The following CEP135 variants were observed in gnomAD, a reference collection of about 807,000 sequenced individuals.
CEP135 encodes centrosomal protein 135, also known as centrosomal protein of 135 kDa.
A neutral mutation model predicts 157.3 loss-of-function variants in CEP135; 142 were observed. The observed-to-expected ratio is 0.90, with a 90% CI of 0.79 to 1.04. The LOEUF is 1.04. Ranked by LOEUF, CEP135 falls within the 50% of genes least tolerant of loss-of-function variation. CEP135 has a pLI of 0.00. For synonymous variants in CEP135, 396 were observed against 439.8 expected, an observed-to-expected ratio of 0.90 and a Z score of 1.25; for missense variants, 1,317 against 1,309.2, an observed-to-expected ratio of 1.01 and a Z score of -0.09.
At chr4:55,979,471 G>T (rs995914774) in intron 11 of CEP135, among the ~76,000 whole-genome samples, 1 of 152,066 alleles carries the variant, frequency 6.6e-6, no homozygotes, top group South Asian at 2.1e-4. Context: ...GCATTTATTT[G>T]ACTGTATAAA....
Position 55,992,089 on chromosome 4 carries a change from A to C in CEP135, c.2009+4A>C. 6 of 1,587,150 alleles carry C rather than the reference A, an allele frequency of 3.8e-6. No individual in the cohort carries two copies. The highest frequency in any genetic ancestry group is 5.1e-6 in the Non-Finnish European group (6 of 1,173,116). ...AAACAGAGGTGAACTCACTTAGGTA[A>C]GTTTATTCAAAATTTTCTAATTTCA... On this transcript the variant is annotated splice_donor_region_variant and intron_variant, in intron 15 of 25. Transcript: ENST00000257287.
intron 9 of CEP135, among the ~76,000 whole-genome samples, 189 bp from the exon 10 acceptor site, chr4:55,971,078 TTGA>T: frequency 6.6e-6 from 1 of 152,354 alleles, no homozygotes; most frequent in South Asian, 2.1e-4. Flanking sequence ...AGAAGCATTG[TTGA>T]TATTTGTGTT....
At chr4:56,004,700 C>T (rs1730291146) in intron 17 of CEP135, among the ~76,000 whole-genome samples, 1 of 152,218 alleles carries the variant, frequency 6.6e-6, no homozygotes, top group African/African-American at 2.4e-5. Context: ...TTGTAGGCTA[C>T]TTTATCTGAT....
intron 6 of CEP135, among the ~76,000 whole-genome samples, chr4:55,961,136 A>C (rs1051758550): frequency 7.9e-5 from 12 of 150,984 alleles, no homozygotes; most frequent in Admixed American, 2.0e-4. Flanking sequence ...TCATAATGTC[A>C]ACCCCAAAAA....
intron 25 of CEP135, among the ~76,000 whole-genome samples, chr4:56,029,422 C>T (rs768858424): frequency 6.6e-6 from 1 of 152,264 alleles, no homozygotes; most frequent in Admixed American, 6.5e-5. Flanking sequence ...TATTTAGTGG[C>T]CTCTAGCCAC....
At chr4:55,949,821 A>T (rs1175130169) in intron 1 of CEP135, among the ~76,000 whole-genome samples, 1 of 152,160 alleles carries the variant, frequency 6.6e-6, no homozygotes, top group Admixed American at 6.5e-5. Context: ...ACGGCCTAAC[A>T]TGTTTCTATC....
Position 56,009,785 on chromosome 4 carries a change from G to T in CEP135, c.2387G>T (p.Arg796Leu), listed in dbSNP as rs769259060. 3.1e-6 allele frequency: 5 copies of T among 1,613,540 alleles called. No homozygotes were observed. Among genetic ancestry groups the T allele is most frequent in the African/African-American group, 2.7e-5 (2 of 74,916 alleles). The change falls in exon 19 of 26, where the codon CGG (arginine) becomes CTG (leucine). Residue 796 changes from arginine to leucine, a missense_variant. Coordinates refer to ENST00000257287, the MANE Select transcript of CEP135 (RefSeq NM_025009.5). ...VNRDREINSL[R>L]RQLDAAHKEL... ...CGAGATCGTGAGATAAACAGCCTCC[G>T]GCGCCAGCTTGATGCAGCTCACAAA... is the stretch of plus-strand genomic sequence containing the variant.
At chr4:56,016,299 G>A (rs1182253490) in intron 21 of CEP135, among the ~76,000 whole-genome samples, 1 of 152,032 alleles carries the variant, frequency 6.6e-6, no homozygotes, top group Non-Finnish European at 1.5e-5. Context: ...ATGAATTTTT[G>A]TTTTTTTAAA....
intron 14 of CEP135, among the ~76,000 whole-genome samples, chr4:55,991,481 G>T (rs1463210023): frequency 6.6e-6 from 1 of 151,852 alleles, no homozygotes; most frequent in Non-Finnish European, 1.5e-5. Context: ...ACATTGTGTT[G>T]CCTGTACATT....
intron 13 of CEP135, among the ~76,000 whole-genome samples, chr4:55,982,660 A>G (rs1729453889): frequency 6.6e-6 from 1 of 152,204 alleles, no homozygotes; most frequent in Non-Finnish European, 1.5e-5. Context: ...TATATTCTAC[A>G]TACAGCCCCT....
chr4:56,008,132 A>C (rs1406836234), intron 17 of CEP135, among the ~76,000 whole-genome samples, 195 bp from the exon 18 acceptor site: 1 of 152,230 alleles, frequency 6.6e-6, no homozygotes, highest in Non-Finnish European at 1.5e-5. Context: ...CAAGAAAACT[A>C]TTCAAGGGTT....
intron 25 of CEP135, among the ~76,000 whole-genome samples, chr4:56,029,609 G>A (rs150208237): frequency 6.6e-6 from 1 of 152,278 alleles, no homozygotes; most frequent in East Asian, 1.9e-4. Flanking sequence ...TAGAATGTAT[G>A]TACTTACACA....
At chr4:56,007,349 C>T (rs1230322585) in intron 17 of CEP135, among the ~76,000 whole-genome samples, 1 of 152,214 alleles carries the variant, frequency 6.6e-6, no homozygotes, top group African/African-American at 2.4e-5. Flanking sequence ...ATGCTCAGAC[C>T]CCTGCCCATC....
intron 24 of CEP135, among the ~76,000 whole-genome samples, chr4:56,021,894 G>C (rs1730985583): frequency 6.6e-6 from 1 of 152,092 alleles, no homozygotes; most frequent in African/African-American, 2.4e-5. Context: ...CTGGGGCATG[G>C]TGATGGGTGC....
intron 17 of CEP135, among the ~76,000 whole-genome samples, chr4:56,005,654 T>C (rs1730326517): frequency 6.6e-6 from 1 of 152,232 alleles, no homozygotes; most frequent in African/African-American, 2.4e-5. Flanking sequence ...TATCACAGTA[T>C]TCTGGGTTTG....
chr4:56,032,974 TC>T lies in CEP135; in HGVS notation c.*1627del, dbSNP rs1391739982. 1 of 152,102 alleles carries T rather than the reference TC, an allele frequency of 6.6e-6. No individual in the cohort carries two copies. The highest frequency in any genetic ancestry group is 1.5e-5 in the Non-Finnish European group (1 of 67,998). 9.4% of individuals were successfully genotyped at this position (152,102 alleles called of 1,614,324 possible). On this transcript the variant is annotated 3_prime_UTR_variant, in exon 26 of 26. Coordinates refer to ENST00000257287, the MANE Select transcript of CEP135 (RefSeq NM_025009.5). ...ATTAGGATGTGGGCTGGTTTGCTTT[TC>T]TACCACCTTTGTAATTTTATGTATC... is the stretch of plus-strand genomic sequence containing the variant.
At chr4:55,967,586 A>T (rs1728882083) in intron 8 of CEP135, among the ~76,000 whole-genome samples, 1 of 152,228 alleles carries the variant, frequency 6.6e-6, no homozygotes, top group Non-Finnish European at 1.5e-5. Context: ...AGCACTGAAT[A>T]TGCAGATTAA....
intron 17 of CEP135, among the ~76,000 whole-genome samples, chr4:56,006,176 C>G: frequency 6.6e-6 from 1 of 152,096 alleles, no homozygotes; most frequent in Admixed American, 6.5e-5. Context: ...AGCTTTCTAC[C>G]CCTTCATCTT....
At chr4:55,997,120 TC>T (rs1454122249) in intron 15 of CEP135, among the ~76,000 whole-genome samples, 1 of 152,216 alleles carries the variant, frequency 6.6e-6, no homozygotes, top group Non-Finnish European at 1.5e-5. Context: ...AAATTTCCTT[TC>T]CAAACACGAT....
Sources: allele counts gnomAD v4.1 joint callset (sites outside exome capture counted in the v4.1 genomes callset), GRCh38; gene constraint gnomAD v4.1.1; transcripts MANE v1.5; gene names NCBI Gene and HGNC (gene_info 2026-07-23, HGNC 2026-07-21).